Variants in CTTNBP2 observed in about 807,000 individuals in gnomAD.
CTTNBP2 encodes the protein cortactin binding protein 2, also known as cortactin-binding protein 2.
In CTTNBP2, 108 loss-of-function variants were observed where a neutral mutation model predicts 156.9. The ratio of observed to expected loss-of-function variants is 0.69; its 90% CI spans 0.59 to 0.81. CTTNBP2 has a LOEUF of 0.81. Ranked by LOEUF, CTTNBP2 falls within the 30% of genes least tolerant of loss-of-function variation. The pLI is 0.00. For missense variants in CTTNBP2, 1,924 were observed against 2,035.4 expected (o/e 0.95, Z 1.05); for synonymous variants, 767 against 751.8 (o/e 1.02, Z -0.33).
Position 117,719,180 on chromosome 7 carries a change from G to A in CTTNBP2, c.4644+324C>T, listed in dbSNP as rs552465069. Among the ~76,000 whole-genome samples, 103 of 152,242 alleles carry A rather than the reference G, an allele frequency of 6.8e-4. 3 individuals are homozygous for A. In the South Asian group the frequency reaches 0.02, roughly 29 times the overall value. On this transcript the variant is annotated intron_variant, in intron 21 of 22. Transcript: ENST00000160373. ...CCCGCCACTGCACTCCAGTCTGGGC[G>A]ACAAGAGCGAAACTCCATCTCCAAA...
chr7:117,840,859 A>T (rs1460200759), intron 2 of CTTNBP2, among the ~76,000 whole-genome samples: 2 of 152,190 alleles, frequency 1.3e-5, no homozygotes, highest in African/African-American at 4.8e-5. Flanking sequence ...GGGTCTGGGT[A>T]GTGCAATACA....
chr7:117,773,543 G>A (rs1797909875), intron 8 of CTTNBP2, among the ~76,000 whole-genome samples: 2 of 151,826 alleles, frequency 1.3e-5, no homozygotes, highest in Admixed American at 6.6e-5. Context: ...TATGGGTTTG[G>A]GACTAGTTAC....
rs781382315 is a variant in CTTNBP2, at chr7:117,760,671, A to G, written c.2936T>C (p.Ile979Thr). Residue 979 changes from isoleucine (I) to threonine (T), a missense_variant, in exon 10 of 23, where the codon ATT becomes ACT. Ile to Thr is a moderately conservative substitution (Grantham distance 89, BLOSUM62 -1). Transcript: ENST00000160373. ...KIPLRISVGE[I>T]EPSNYGSDDL... The stretch of plus-strand genomic sequence containing the variant: ...ATCAGAACCATAGTTGCTTGGTTCA[A>G]TCTCACCCACTGAAATCCTTAAGGG... 1.3e-5 allele frequency: 21 copies of G among 1,612,874 alleles called. No individual in the cohort carries two copies. In the East Asian group the frequency reaches 2.9e-4, roughly 22 times the overall value.
chr7:117,795,655 G>C (rs1414350724), intron 3 of CTTNBP2, among the ~76,000 whole-genome samples: 3 of 152,076 alleles, frequency 2.0e-5, no homozygotes, highest in African/African-American at 7.2e-5. Flanking sequence ...TCATCTTTCA[G>C]AATCAAATTG....
chr7:117,802,316 C>T (rs1584450707), intron 3 of CTTNBP2, among the ~76,000 whole-genome samples: 1 of 151,128 alleles, frequency 6.6e-6, no homozygotes, highest in East Asian at 1.9e-4. Context: ...AAACTGGACC[C>T]ACACCTTTCA....
chr7:117,825,013 A>G (rs1801195050), intron 2 of CTTNBP2, among the ~76,000 whole-genome samples: 1 of 152,172 alleles, frequency 6.6e-6, no homozygotes, highest in Non-Finnish European at 1.5e-5. Context: ...GTGTTTATCC[A>G]TAAGCAGGGC....
At position 117,795,314 on chromosome 7, in the gene CTTNBP2, C is replaced by T. The variant is rs558710526; in HGVS notation, c.415-2533G>A. Among the ~76,000 whole-genome samples the T allele has an allele frequency of 2.6e-5, 4 of 152,192 alleles. No individual in the cohort carries two copies. The South Asian group carries it at 8.3e-4, about 32-fold the overall frequency. On this transcript the variant is annotated intron_variant, in intron 3 of 22. Transcript: ENST00000160373. ...CAAATAACAGACTGGTATTAGAAGG[C>T]ATATGCAAAGTTAGAACTATTAAGA...
intron 2 of CTTNBP2, among the ~76,000 whole-genome samples, chr7:117,859,635 T>C (rs1039607278): frequency 2.0e-5 from 3 of 152,234 alleles, no homozygotes; most frequent in Non-Finnish European, 4.4e-5. Context: ...GTTAGTTACA[T>C]GCTGCCTCAG....
chr7:117,774,866 A>G (rs1468824345), intron 8 of CTTNBP2, among the ~76,000 whole-genome samples: 2 of 152,208 alleles, frequency 1.3e-5, no homozygotes, highest in East Asian at 1.9e-4. Context: ...CTTGTGGTCA[A>G]TGTAGAATCT....
chr7:117,718,328 A>C (rs866068182), intron 21 of CTTNBP2, among the ~76,000 whole-genome samples: 1 of 152,190 alleles, frequency 6.6e-6, no homozygotes, highest in African/African-American at 2.4e-5. Flanking sequence ...TCTAAGGAAA[A>C]AGAATCCACT....
chr7:117,784,427 A>G lies in CTTNBP2; in HGVS notation c.2096T>C (p.Leu699Pro), dbSNP rs757466178. The change falls in exon 5 of 23, where the codon CTA becomes CCA. Residue 699 changes from leucine to proline, a missense_variant. Physicochemically the swap from Leu to Pro is moderately conservative, Grantham distance 98. Coordinates refer to ENST00000160373, the MANE Select transcript of CTTNBP2 (RefSeq NM_033427.3). ...CAGGGGGGCAGGACCACCACTCATT[A>G]GCAAAGGGGTTAGGGAGGGTGACCA... ...SGWSPSLTPL[L>P]MSGGPAPLAG... 1.2e-6 allele frequency: 2 copies of G among 1,607,406 alleles called. No homozygotes were observed. The highest frequency in any genetic ancestry group is 1.7e-5 in the Admixed American group (1 of 58,308).
intron 12 of CTTNBP2, among the ~76,000 whole-genome samples, chr7:117,748,530 CAA>C (rs1455380993): frequency 2.0e-5 from 3 of 152,148 alleles, no homozygotes; most frequent in African/African-American, 7.2e-5. Context: ...TGAGAGAGCT[CAA>C]GTTAGTCTTG....
At chr7:117,763,288 G>C (rs368648593) in intron 9 of CTTNBP2, among the ~76,000 whole-genome samples, 2 of 152,110 alleles carry the variant, frequency 1.3e-5, no homozygotes, top group Non-Finnish European at 2.9e-5. Flanking sequence ...TAATAAAAAG[G>C]TGTTTATTCA....
At chr7:117,844,107 G>A (rs1287311324) in intron 2 of CTTNBP2, among the ~76,000 whole-genome samples, 1 of 152,088 alleles carries the variant, frequency 6.6e-6, no homozygotes, top group African/African-American at 2.4e-5. Flanking sequence ...ACTACAACAT[G>A]CTACCCTGCT....
At chr7:117,747,937 G>A (rs1796423363) in intron 12 of CTTNBP2, among the ~76,000 whole-genome samples, 1 of 152,116 alleles carries the variant, frequency 6.6e-6, no homozygotes, top group Non-Finnish European at 1.5e-5. Context: ...TTGGGCTTGG[G>A]ACTGGGTTTT....
intron 1 of CTTNBP2, among the ~76,000 whole-genome samples, chr7:117,864,699 CATATATTCAT>C (rs1461968753): frequency 1.1e-4 from 13 of 118,300 alleles, no homozygotes; most frequent in African/African-American, 2.7e-4. Context: ...CATATATATT[CATATATTCAT>C]ATATATTCAT....
chr7:117,761,749 A>T (rs182229644), intron 9 of CTTNBP2, among the ~76,000 whole-genome samples: 1 of 152,354 alleles, frequency 6.6e-6, no homozygotes, highest in African/African-American at 2.4e-5. Flanking sequence ...GATGCATCAA[A>T]GGTATGTTTT....
chr7:117,713,143 G>A (rs1192505460), intron 22 of CTTNBP2, among the ~76,000 whole-genome samples: 1 of 152,150 alleles, frequency 6.6e-6, no homozygotes. Context: ...GTTTCATCCG[G>A]AAACTACCCA....
chr7:117,832,735 AC>A lies in CTTNBP2; in HGVS notation c.190-21747del, dbSNP rs1196125609. ...TCAATCTATAGCCCTTCATTCATCA[AC>A]CTTTTTTTTTTTTTTTTTTTTTTTT... On this transcript the variant is annotated intron_variant, in intron 2 of 22. Transcript: ENST00000160373. 4.5e-5 allele frequency among the ~76,000 whole-genome samples: 6 copies of A among 132,304 alleles called. No individual in the cohort carries two copies. In the East Asian group the frequency reaches 1.1e-3, roughly 24 times the overall value. 86.8% of individuals were successfully genotyped at this position (132,304 alleles called of 152,430 possible). A position where few individuals can be genotyped will look rare whatever the true frequency, so the allele number is the denominator to read the frequency against.
Sources: allele counts gnomAD v4.1 joint callset (sites outside exome capture counted in the v4.1 genomes callset), GRCh38; gene constraint gnomAD v4.1.1; transcripts MANE v1.5; gene names NCBI Gene and HGNC (gene_info 2026-07-23, HGNC 2026-07-21).